The following SHISA6 variants were observed in gnomAD, a reference collection of about 807,000 sequenced individuals.
SHISA6 encodes the protein protein shisa-6.
In SHISA6, 22 loss-of-function variants were observed where a neutral mutation model predicts 47.9. The ratio of observed to expected loss-of-function variants is 0.46; its 90% CI spans 0.33 to 0.66. The LOEUF (loss-of-function observed/expected upper bound fraction) is 0.66, where lower values mean the gene tolerates loss of function less well. Ranked by LOEUF, SHISA6 falls within the 30% of genes least tolerant of loss-of-function variation. The pLI is 0.02. For missense variants in SHISA6, 680 were observed against 764.6 expected, an observed-to-expected ratio of 0.89 and a Z score of 1.30; for synonymous variants, 388 against 337.8, an observed-to-expected ratio of 1.15 and a Z score of -1.63.
At chr17:11,406,333 TTCAAG>T (rs1042874432) in intron 3 of SHISA6, among the ~76,000 whole-genome samples, 2 of 152,228 alleles carry the variant, frequency 1.3e-5, no homozygotes, top group African/African-American at 4.8e-5. Context: ...TTCCACCTTC[TTCAAG>T]TCATCTGTAC....
chr17:11,477,184 A>C (rs1916071857), intron 3 of SHISA6, among the ~76,000 whole-genome samples: 2 of 152,168 alleles, frequency 1.3e-5, no homozygotes, highest in Non-Finnish European at 2.9e-5. Flanking sequence ...TATAGTCAGC[A>C]TAATTAGGTT....
intron 3 of SHISA6, among the ~76,000 whole-genome samples, chr17:11,380,982 GA>G (rs1912986853): frequency 6.6e-6 from 1 of 152,166 alleles, no homozygotes; most frequent in South Asian, 2.1e-4. Flanking sequence ...CAGCGTCTTT[GA>G]TGACCAATCC....
chr17:11,379,243 AAT>A (rs1912925710), intron 2 of SHISA6, among the ~76,000 whole-genome samples, 169 bp from the exon 3 acceptor site: 1 of 148,512 alleles, frequency 6.7e-6, no homozygotes, highest in African/African-American at 2.5e-5. Flanking sequence ...TTTCATATAT[AAT>A]ATATATTTTA....
intron 2 of SHISA6, among the ~76,000 whole-genome samples, chr17:11,269,080 C>T (rs958285084): frequency 1.3e-5 from 2 of 151,024 alleles, no homozygotes; most frequent in Non-Finnish European, 2.9e-5. Flanking sequence ...CTTGCCCTGT[C>T]GCCCAGGCTG....
intron 3 of SHISA6, among the ~76,000 whole-genome samples, chr17:11,392,757 G>A (rs1326403286): frequency 6.6e-6 from 1 of 152,240 alleles, no homozygotes; most frequent in Non-Finnish European, 1.5e-5. Context: ...TAGCAGATTA[G>A]AGAGAAGCTT....
chr17:11,430,216 T>C (rs776639108), intron 3 of SHISA6, among the ~76,000 whole-genome samples: 2 of 152,210 alleles, frequency 1.3e-5, no homozygotes, highest in African/African-American at 4.8e-5. Context: ...TTGTTGAACG[T>C]TTCTGGTTCT....
chr17:11,521,512 A>G (rs1479373040), intron 3 of SHISA6, among the ~76,000 whole-genome samples: 1 of 152,164 alleles, frequency 6.6e-6, no homozygotes, highest in Non-Finnish European at 1.5e-5. Flanking sequence ...AGGCAGGCGC[A>G]GTGGTTCACG....
chr17:11,513,739 C>G (rs775141564), intron 3 of SHISA6, among the ~76,000 whole-genome samples: 1 of 152,202 alleles, frequency 6.6e-6, no homozygotes, highest in African/African-American at 2.4e-5. Context: ...ACAAGTCGAG[C>G]ATTGGTCTTC....
At chr17:11,528,777 C>G (rs2071708494) in intron 3 of SHISA6, among the ~76,000 whole-genome samples, 2 of 152,182 alleles carry the variant, frequency 1.3e-5, no homozygotes, top group African/African-American at 2.4e-5. Context: ...ATAACAGAAG[C>G]CTGCATGACA....
At chr17:11,420,290 G>A (rs926893890) in intron 3 of SHISA6, among the ~76,000 whole-genome samples, 2 of 152,144 alleles carry the variant, frequency 1.3e-5, no homozygotes, top group Non-Finnish European at 2.9e-5. Context: ...CATTAAAGAG[G>A]CCATCAATCC....
chr17:11,438,514 T>TC (rs1356062953), intron 3 of SHISA6, among the ~76,000 whole-genome samples: 1 of 152,100 alleles, frequency 6.6e-6, no homozygotes, highest in Non-Finnish European at 1.5e-5. Context: ...TGCTATGTGC[T>TC]CCCCTGGACT....
chr17:11,287,831 C>T (rs1319299096), intron 2 of SHISA6, among the ~76,000 whole-genome samples: 1 of 152,066 alleles, frequency 6.6e-6, no homozygotes, highest in African/African-American at 2.4e-5. Context: ...TACATATTAA[C>T]AAACATAAAA....
In SHISA6 at chr17:11,520,587, A is replaced by G. The variant is rs56872165; in HGVS notation, c.896-31309A>G. 9.8e-3 allele frequency among the ~76,000 whole-genome samples: 1,487 copies of G among 152,216 alleles called. 28 individuals are homozygous for G. The highest frequency in any genetic ancestry group is 0.034 in the African/African-American group (1,400 of 41,532). The stretch of plus-strand genomic sequence containing the variant: ...CTACACTGATCATTTCAGTGTTGCA[A>G]CTATGCTTATGCTCAGCTTAGCTCA... On this transcript the variant is annotated intron_variant, in intron 3 of 5. Transcript: ENST00000441885.
intron 3 of SHISA6, among the ~76,000 whole-genome samples, chr17:11,484,014 A>ATAGT (rs1555538764): frequency 6.6e-5 from 10 of 152,020 alleles, no homozygotes; most frequent in East Asian, 3.9e-4. Flanking sequence ...TGACTATTCA[A>ATAGT]TAATTATTTC....
At chr17:11,362,920 G>A (rs1912334484) in intron 2 of SHISA6, among the ~76,000 whole-genome samples, 1 of 152,162 alleles carries the variant, frequency 6.6e-6, no homozygotes, top group Non-Finnish European at 1.5e-5. Flanking sequence ...GTTAGAAGGA[G>A]TTCTGAACCT....
intron 3 of SHISA6, among the ~76,000 whole-genome samples, chr17:11,382,792 A>C (rs1913056753): frequency 6.6e-6 from 1 of 152,132 alleles, no homozygotes; most frequent in South Asian, 2.1e-4. Flanking sequence ...CCATTGCCCT[A>C]CTAACCCAGA....
intron 3 of SHISA6, among the ~76,000 whole-genome samples, chr17:11,515,136 A>C (rs1018868794): frequency 6.6e-6 from 1 of 151,738 alleles, no homozygotes; most frequent in Admixed American, 6.6e-5. Flanking sequence ...TCAGTGTGTC[A>C]TTGGGAAGGA....
At chr17:11,407,062 A>G (rs533931599) in intron 3 of SHISA6, among the ~76,000 whole-genome samples, 15 of 152,332 alleles carry the variant, frequency 9.8e-5, no homozygotes, top group African/African-American at 3.1e-4. Flanking sequence ...AAGGAGAAGG[A>G]TGGCACAGTA....
intron 2 of SHISA6, among the ~76,000 whole-genome samples, chr17:11,293,161 T>C (rs1909614751): frequency 6.6e-6 from 1 of 152,078 alleles, no homozygotes; most frequent in African/African-American, 2.4e-5. Flanking sequence ...TTCCAGTTGC[T>C]GTATGGATTG....
Sources: allele counts gnomAD v4.1 joint callset (sites outside exome capture counted in the v4.1 genomes callset), GRCh38; gene constraint gnomAD v4.1.1; transcripts MANE v1.5; gene names NCBI Gene and HGNC (gene_info 2026-07-23, HGNC 2026-07-21).